The following RAD51C variants were observed in gnomAD, a reference collection of about 807,000 sequenced individuals.
The protein encoded by RAD51C is DNA repair protein RAD51 homolog 3.
RAD51C carries 42 observed loss-of-function variants against 45.0 expected under a neutral mutation model. The ratio of observed to expected loss-of-function variants is 0.93; its 90% CI spans 0.73 to 1.21. RAD51C has a LOEUF of 1.21. Ranked by LOEUF, RAD51C falls within the 50% of genes most tolerant of loss-of-function variation. The probability of loss-of-function intolerance (pLI) is 0.00; values close to 1 mark genes in which losing one functional copy is unlikely to be tolerated. For missense variants in RAD51C, 474 were observed against 452.2 expected (o/e 1.05, Z -0.44); for synonymous variants, 172 against 159.8 (o/e 1.08, Z -0.58).
At chr17:58,712,512 A>G (rs2048593397) in intron 5 of RAD51C, among the ~76,000 whole-genome samples, 1 of 152,094 alleles carries the variant, frequency 6.6e-6, no homozygotes, top group South Asian at 2.1e-4. Context: ...GCATATACAA[A>G]CTTACGTTTT....
At chr17:58,705,202 TTCAAGA>T (rs1454494959) in intron 4 of RAD51C, among the ~76,000 whole-genome samples, 2 of 152,048 alleles carry the variant, frequency 1.3e-5, no homozygotes, top group African/African-American at 4.8e-5. Flanking sequence ...AGCCTAAAAG[TTCAAGA>T]TCAAAGTTCT....
intron 3 of RAD51C, among the ~76,000 whole-genome samples, chr17:58,698,999 T>A (rs1017216060): frequency 6.6e-6 from 1 of 151,886 alleles, no homozygotes; most frequent in African/African-American, 2.4e-5. Flanking sequence ...ATGGGTTGAC[T>A]GTTTTCTTAT....
chr17:58,725,567 A>G (rs2049088870), intron 7 of RAD51C, among the ~76,000 whole-genome samples: 1 of 152,210 alleles, frequency 6.6e-6, no homozygotes, highest in African/African-American at 2.4e-5. Flanking sequence ...CAACAGGAGG[A>G]AAAGTTTGCC....
At chr17:58,721,953 T>G (rs2048932180) in intron 6 of RAD51C, among the ~76,000 whole-genome samples, 1 of 152,110 alleles carries the variant, frequency 6.6e-6, no homozygotes, top group Non-Finnish European at 1.5e-5. Flanking sequence ...TCTGTCATGT[T>G]TCTTCCAGCT....
intron 8 of RAD51C, 135 bp downstream of exon 8, chr17:58,732,679 A>AT (rs1453127386): frequency 2.2e-5 from 18 of 806,868 alleles, no homozygotes; most frequent in Non-Finnish European, 3.8e-5. Context: ...TGCTTAGAAC[A>AT]TTGTCCCCAA....
intron 7 of RAD51C, among the ~76,000 whole-genome samples, chr17:58,727,346 A>C (rs1009466079): frequency 7.4e-6 from 1 of 135,588 alleles, no homozygotes; most frequent in Non-Finnish European, 1.6e-5. Context: ...CTGGTCTTGA[A>C]CTCCTGATGT....
chr17:58,702,973 A>G (rs1021572555), intron 3 of RAD51C, among the ~76,000 whole-genome samples: 2 of 152,232 alleles, frequency 1.3e-5, no homozygotes, highest in African/African-American at 4.8e-5. Flanking sequence ...TGGCACATGT[A>G]TACATATGTA....
intron 8 of RAD51C, among the ~76,000 whole-genome samples, 194 bp from the exon 9 acceptor site, chr17:58,733,924 G>A (rs980939146): frequency 5.3e-5 from 8 of 152,022 alleles, no homozygotes; most frequent in Non-Finnish European, 1.0e-4. Flanking sequence ...CACCATGTTG[G>A]CCAGGCTGGT....
At chr17:58,720,506 T>C (rs1485606101) in intron 5 of RAD51C, among the ~76,000 whole-genome samples, 3 of 152,122 alleles carry the variant, frequency 2.0e-5, no homozygotes, top group Non-Finnish European at 4.4e-5. Flanking sequence ...AGTTTTGCTC[T>C]TTTGTCCAGG....
chr17:58,703,706 C>T (rs2048287041), intron 4 of RAD51C, among the ~76,000 whole-genome samples: 1 of 151,982 alleles, frequency 6.6e-6, no homozygotes, highest in Non-Finnish European at 1.5e-5. Context: ...TACTTGTAAT[C>T]CCAGCACTTA....
At chr17:58,694,846 T>G in intron 1 of RAD51C, 85 bp from the exon 2 acceptor site, 1 of 1,260,906 alleles carries the variant, frequency 7.9e-7, no homozygotes, top group Non-Finnish European at 1.2e-6. Flanking sequence ...CACTGTTGTC[T>G]ACAAATTAAT....
chr17:58,703,470 T>C, intron 4 of RAD51C, 141 bp downstream of exon 4: 1 of 785,260 alleles, frequency 1.3e-6, no homozygotes, highest in Middle Eastern at 3.8e-4. Flanking sequence ...ACCTACAATT[T>C]ATTTATATTT....
At chr17:58,703,933 C>CTT (rs67254535) in intron 4 of RAD51C, among the ~76,000 whole-genome samples, 846 of 66,496 alleles carry the variant, frequency 0.013, 151 homozygotes, top group African/African-American at 0.034. Context: ...CATGTATCAC[C>CTT]TTTTTTTTTT....
intron 4 of RAD51C, among the ~76,000 whole-genome samples, chr17:58,704,098 G>A (rs1192444612): frequency 6.6e-6 from 1 of 151,278 alleles, no homozygotes; most frequent in African/African-American, 2.4e-5. Context: ...GATTCTCCTT[G>A]ACTGAACTTG....
chr17:58,731,109 G>C (rs1022255986), intron 7 of RAD51C, among the ~76,000 whole-genome samples: 1 of 152,132 alleles, frequency 6.6e-6, no homozygotes, highest in African/African-American at 2.4e-5. Context: ...GCATGTGTCA[G>C]AATTTTCTTC....
At position 58,724,281 on chromosome 17, in the gene RAD51C, A is replaced by G. The variant is rs1275093266; in HGVS notation, c.965+181A>G. Among the ~76,000 whole-genome samples, 4 of 152,214 alleles carry G rather than the reference A, an allele frequency of 2.6e-5. No homozygotes were observed. In the East Asian group the frequency reaches 7.7e-4, roughly 29 times the overall value. On this transcript the variant is annotated intron_variant, in intron 7 of 8. Coordinates refer to ENST00000337432, the MANE Select transcript of RAD51C (RefSeq NM_058216.3). ...TAGAAATGTGTTGTTATTACTGCAT[A>G]TTTAGCTACATAGGAAATTCTCTGG...
intron 7 of RAD51C, among the ~76,000 whole-genome samples, chr17:58,728,667 G>C (rs1268027769): frequency 6.6e-6 from 1 of 151,960 alleles, no homozygotes; most frequent in East Asian, 1.9e-4. Context: ...TAAAGTACTG[G>C]GATTATAGGC....
At position 58,705,526 on chromosome 17, in the gene RAD51C, G is replaced by T. The variant is rs139623725; in HGVS notation, c.705+2197G>T. Among the ~76,000 whole-genome samples, 1,370 of 152,010 alleles carry T rather than the reference G, an allele frequency of 9.0e-3. 9 individuals carry two copies. Among genetic ancestry groups the T allele is most frequent in the Non-Finnish European group, 0.013 (864 of 67,996 alleles). ...TTTTTGTATTTTTAGTAGAGACAGG[G>T]TTTCCCCATGTTGGCCAAGATGTTC... On this transcript the variant is annotated intron_variant, in intron 4 of 8. Transcript: ENST00000337432.
chr17:58,720,623 C>T, intron 5 of RAD51C, 123 bp from the exon 6 acceptor site: 1 of 710,578 alleles, frequency 1.4e-6, no homozygotes, highest in Non-Finnish European at 2.5e-6. Context: ...CAGGTGCATG[C>T]CACCATGTCT....
Sources: allele counts gnomAD v4.1 joint callset (sites outside exome capture counted in the v4.1 genomes callset), GRCh38; gene constraint gnomAD v4.1.1; transcripts MANE v1.5; gene names NCBI Gene and HGNC (gene_info 2026-07-23, HGNC 2026-07-21).